Variants in ABLIM1 observed in about 807,000 individuals in gnomAD.
ABLIM1 encodes the protein actin-binding LIM protein 1.
In ABLIM1, 40 loss-of-function variants were observed where a neutral mutation model predicts 107.0. That is an observed-to-expected ratio of 0.37 (90% confidence interval 0.29 to 0.49). The LOEUF is 0.49. Among genes scored for constraint, ABLIM1 ranks in the 20% least tolerant of loss-of-function variants. The probability of loss-of-function intolerance (pLI) is 0.97; values close to 1 mark genes in which losing one functional copy is unlikely to be tolerated. For synonymous variants in ABLIM1, 357 were observed against 357.3 expected (o/e 1.00, Z 0.01); for missense variants, 857 against 1,008.5 (o/e 0.85, Z 2.04).
intron 1 of ABLIM1, chr10:114,690,258 A>G: frequency 1.3e-6 from 2 of 1,520,422 alleles, no homozygotes; most frequent in South Asian, 2.2e-5. Flanking sequence ...CTTGCCAAAG[A>G]CCACATGCTT....
At chr10:114,613,112 A>G (rs959738039) in intron 1 of ABLIM1, among the ~76,000 whole-genome samples, 1 of 152,208 alleles carries the variant, frequency 6.6e-6, no homozygotes, top group African/African-American at 2.4e-5. Flanking sequence ...AGTACTTAAA[A>G]ACAGCATTTC....
At chr10:114,681,290 G>A (rs2080737856) in intron 1 of ABLIM1, among the ~76,000 whole-genome samples, 1 of 152,156 alleles carries the variant, frequency 6.6e-6, no homozygotes, top group Non-Finnish European at 1.5e-5. Flanking sequence ...CCGCCTCTTG[G>A]GTTCAAGTGA....
chr10:114,601,357 C>T lies in ABLIM1; in HGVS notation c.379+470G>A, dbSNP rs550665804. Among the ~76,000 whole-genome samples, 18 of 151,694 alleles carry T rather than the reference C, an allele frequency of 1.2e-4. 1 individual carries two copies. The highest frequency in any genetic ancestry group is 3.9e-4 in the East Asian group (2 of 5,160). On this transcript the variant is annotated intron_variant, in intron 2 of 22. Transcript: ENST00000533213. ...TCAGCTCACTGCAACCTCTGCCTCC[C>T]GGGTTCAAGCGATTCTCCTGCCTCA... is the stretch of plus-strand genomic sequence containing the variant.
chr10:114,785,139 C>T, the ABLIM1 span, among the ~76,000 whole-genome samples: 1 of 152,216 alleles, frequency 6.6e-6, no homozygotes, highest in Non-Finnish European at 1.5e-5. Context: ...AAACTTCCAT[C>T]CTATTTTACA....
upstream of ABLIM1, among the ~76,000 whole-genome samples, chr10:114,769,422 G>GAAAGAAAGAAAA (rs1491588873): frequency 1.9e-5 from 1 of 51,852 alleles, no homozygotes; most frequent in East Asian, 3.5e-4. Flanking sequence ...AAGAAAAGAA[G>GAAAGAAAGAAAA]GAAAGAAAGA....
At position 114,491,012 on chromosome 10, in the gene ABLIM1, G is replaced by GTGTGTGTGTATGTATATATATA; in HGVS notation, c.982+778_982+779insTATATATATACATACACACACA. Among the ~76,000 whole-genome samples, 111 of 92,386 alleles carry GTGTGTGTGTATGTATATATATA rather than the reference G, an allele frequency of 1.2e-3. 3 individuals carry two copies. The highest frequency in any genetic ancestry group is 5.0e-3 in the African/African-American group (109 of 21,700). The allele number at this position is 92,386 out of a possible 152,430, so 60.6% of individuals were successfully genotyped here. A position where few individuals can be genotyped will look rare whatever the true frequency, so the allele number is the denominator to read the frequency against. On this transcript the variant is annotated intron_variant, in intron 7 of 22. Transcript: ENST00000533213. ...TGTGTGTGTGTGTGTGTGTGTGTGT[G>GTGTGTGTGTATGTATATATATA]TATATATATATATGGTCTATTTTAT...
At chr10:114,605,882 C>T (rs2076377613) in intron 1 of ABLIM1, among the ~76,000 whole-genome samples, 1 of 152,132 alleles carries the variant, frequency 6.6e-6, no homozygotes, top group South Asian at 2.1e-4. Context: ...CTCTGAACTC[C>T]AGTGCAGGAC....
intron 1 of ABLIM1, among the ~76,000 whole-genome samples, chr10:114,735,432 A>G (rs2082158766): frequency 6.6e-6 from 1 of 152,190 alleles, no homozygotes; most frequent in African/African-American, 2.4e-5. Flanking sequence ...AGCCAATCCC[A>G]TGGTTTTTTT....
chr10:114,749,315 T>C (rs982995918), intron 1 of ABLIM1, among the ~76,000 whole-genome samples: 9 of 152,188 alleles, frequency 5.9e-5, no homozygotes, highest in African/African-American at 2.2e-4. Context: ...AGCCATTGGC[T>C]ACATTTGCCT....
intron 10 of ABLIM1, 132 bp from the exon 11 acceptor site, chr10:114,468,348 T>C (rs56051368): frequency 0.1 from 76,078 of 756,962 alleles, 4,077 homozygotes; most frequent in Non-Finnish European, 0.12. Flanking sequence ...AATCTCGGTT[T>C]ACTGCAATCT....
chr10:114,757,048 C>T lies in ABLIM1; in HGVS notation c.-213+11013G>A, dbSNP rs1359987803. Among the ~76,000 whole-genome samples the T allele has an allele frequency of 2.6e-5, 4 of 152,146 alleles. No individual in the cohort carries two copies. The South Asian group carries it at 6.2e-4, about 24-fold the overall frequency. On this transcript the variant is annotated intron_variant, in intron 1 of 15. Coordinates refer to the ABLIM1 transcript ENST00000651092. ...ATATTTCAATAGTGTTTTTGCAGTGCTAACAATGATAATGTTGATAAATGG... is the reference window on the plus strand; with the variant it reads ...ATATTTCAATAGTGTTTTTGCAGTGTTAACAATGATAATGTTGATAAATGG...
At chr10:114,799,758 C>T in the ABLIM1 span, among the ~76,000 whole-genome samples, 1 of 152,070 alleles carries the variant, frequency 6.6e-6, no homozygotes, top group Non-Finnish European at 1.5e-5. Context: ...GTCTATTTGC[C>T]ACATGGCATC....
intron 1 of ABLIM1, among the ~76,000 whole-genome samples, chr10:114,703,283 A>C (rs2081342342): frequency 6.6e-6 from 1 of 152,146 alleles, no homozygotes; most frequent in African/African-American, 2.4e-5. Flanking sequence ...CTCATCTCAA[A>C]GGTTACTTTT....
intron 1 of ABLIM1, among the ~76,000 whole-genome samples, chr10:114,646,689 A>G (rs1302495443): frequency 6.6e-6 from 1 of 152,190 alleles, no homozygotes; most frequent in African/African-American, 2.4e-5. Flanking sequence ...CGACTACAGG[A>G]GGAGTTACAG....
chr10:114,637,032 CT>C (rs763661552), intron 1 of ABLIM1, among the ~76,000 whole-genome samples: 307 of 77,172 alleles, frequency 4.0e-3, no homozygotes, highest in Middle Eastern at 7.7e-3. Flanking sequence ...GACGCTGTCT[CT>C]TTAAAAAAAA....
intron 9 of ABLIM1, 122 bp from the exon 10 acceptor site, chr10:114,473,254 C>G: frequency 1.1e-6 from 1 of 923,154 alleles, no homozygotes; most frequent in Admixed American, 2.5e-5. Flanking sequence ...ACCAAAACAT[C>G]TTGCCTAACA....
chr10:114,759,167 A>C (rs551244348), intron 1 of ABLIM1, among the ~76,000 whole-genome samples: 3 of 152,322 alleles, frequency 2.0e-5, no homozygotes, highest in Non-Finnish European at 4.4e-5. Context: ...CTAAATAAGG[A>C]TATACCATCC....
Position 114,658,063 on chromosome 10 carries a change from C to A in ABLIM1, c.138G>T (p.Gly46=). Residue 46 remains glycine, a synonymous_variant, in exon 1 of 23, where the codon GGG becomes GGT. Transcript: ENST00000533213. ...CACGCCTATGAGCGGTGAAGGAGGTCCCAGAGACCCTCCGGTCCTCAACAA... is the reference window on the plus strand; with the variant it reads ...CACGCCTATGAGCGGTGAAGGAGGTACCAGAGACCCTCCGGTCCTCAACAA... ...RLIVEDRRVS[G]TSFTAHRRAT... The A allele has an allele frequency of 6.2e-7, 1 of 1,614,178 alleles. No homozygotes were observed. The highest frequency in any genetic ancestry group is 8.5e-7 in the Non-Finnish European group (1 of 1,180,040).
intron 12 of ABLIM1, among the ~76,000 whole-genome samples, chr10:114,461,980 A>T (rs1420260125): frequency 1.3e-5 from 2 of 152,240 alleles, no homozygotes; most frequent in Non-Finnish European, 2.9e-5. Flanking sequence ...AATAAGCAAT[A>T]TTATTTTCAA....
Sources: gnomAD v4.1 joint callset for allele counts (sites outside exome capture counted in the v4.1 genomes callset) on GRCh38, gnomAD v4.1.1 for gene constraint, MANE v1.5 for transcripts, NCBI Gene and HGNC (gene_info 2026-07-23, HGNC 2026-07-21) for gene names.